CNTNAP5: variants seen among roughly 807,000 people sequenced by gnomAD.
The protein encoded by CNTNAP5 is contactin-associated protein-like 5.
A neutral mutation model predicts 150.2 loss-of-function variants in CNTNAP5; 72 were observed. That is an observed-to-expected ratio of 0.48 (90% CI 0.40 to 0.58). The LOEUF is 0.58. Among genes scored for constraint, CNTNAP5 ranks in the 20% least tolerant of loss-of-function variants. The pLI, the probability that CNTNAP5 is intolerant of heterozygous loss-of-function variation, is 0.00. For synonymous variants in CNTNAP5, 672 were observed against 619.8 expected (o/e 1.08, Z -1.25); for missense variants, 1,636 against 1,626.2 (o/e 1.01, Z -0.10).
intron 1 of CNTNAP5, among the ~76,000 whole-genome samples, chr2:124,194,358 A>C (rs1685528171): frequency 7.2e-6 from 1 of 139,166 alleles, no homozygotes; most frequent in Non-Finnish European, 1.5e-5. Flanking sequence ...CACAGGTATA[A>C]ATTAGGTCAT....
At chr2:124,165,652 A>G (rs2104655546) in intron 1 of CNTNAP5, among the ~76,000 whole-genome samples, 1 of 152,240 alleles carries the variant, frequency 6.6e-6, no homozygotes, top group South Asian at 2.1e-4. Context: ...CAAGTTTCTG[A>G]ATGGCTTGAG....
chr2:124,206,799 G>A (rs548478432), intron 1 of CNTNAP5, among the ~76,000 whole-genome samples: 1 of 152,100 alleles, frequency 6.6e-6, no homozygotes, highest in Non-Finnish European at 1.5e-5. Context: ...CTGTTTCCTG[G>A]GTGAGTAATA....
In CNTNAP5 at chr2:124,417,633, G is replaced by A. The variant is rs1456292483; in HGVS notation, c.529+43G>A. The stretch of plus-strand genomic sequence containing the variant: ...CCCTTTACCATTGCTGAGTGTGAGT[G>A]GCACCGCCTACGTAACATCAGTTTA... On this transcript the variant is annotated intron_variant, in intron 4 of 23. Transcript: ENST00000682447. The A allele has an allele frequency of 1.9e-6, 3 of 1,571,148 alleles. No individual in the cohort carries two copies. The Admixed American group carries it at 5.2e-5, about 27-fold the overall frequency.
chr2:124,871,695 C>T (rs1358540317), intron 21 of CNTNAP5, among the ~76,000 whole-genome samples: 2 of 152,128 alleles, frequency 1.3e-5, no homozygotes, highest in African/African-American at 4.8e-5. Context: ...GCTCTGACCA[C>T]CTCCATACCT....
intron 19 of CNTNAP5, among the ~76,000 whole-genome samples, chr2:124,818,263 C>A (rs1050437483): frequency 5.9e-5 from 9 of 152,194 alleles, no homozygotes; most frequent in African/African-American, 2.2e-4. Context: ...AACCATGATC[C>A]CTGGAAGTAT....
At chr2:124,316,228 G>C (rs375345395) in intron 3 of CNTNAP5, among the ~76,000 whole-genome samples, 3 of 152,072 alleles carry the variant, frequency 2.0e-5, no homozygotes, top group Admixed American at 1.3e-4. Context: ...TCCTGGAAAG[G>C]GTTAGTAGCC....
chr2:124,445,146 G>A (rs79371563), intron 5 of CNTNAP5, among the ~76,000 whole-genome samples: 3,741 of 149,254 alleles, frequency 0.025, 91 homozygotes, highest in African/African-American at 0.065. Context: ...CTGGAGTGCA[G>A]TGGCGCGATC....
chr2:124,522,624 A>G (rs1694870793), intron 8 of CNTNAP5, among the ~76,000 whole-genome samples: 1 of 152,224 alleles, frequency 6.6e-6, no homozygotes, highest in Non-Finnish European at 1.5e-5. Context: ...ATGCCCAGAG[A>G]TGCTGATGGA....
intron 17 of CNTNAP5, among the ~76,000 whole-genome samples, chr2:124,786,071 G>A (rs1681560706): frequency 6.6e-6 from 1 of 151,836 alleles, no homozygotes; most frequent in Non-Finnish European, 1.5e-5. Flanking sequence ...CTCATTTCTA[G>A]TAAAATTAAA....
intron 13 of CNTNAP5, among the ~76,000 whole-genome samples, chr2:124,724,484 G>A (rs1680115450): frequency 6.6e-6 from 1 of 152,076 alleles, no homozygotes; most frequent in Non-Finnish European, 1.5e-5. Flanking sequence ...CCAAGTTAAA[G>A]ATAAATATAC....
chr2:124,713,318 CCTTTCTTTCTTTCTTT>C lies in CNTNAP5; in HGVS notation c.2078-33863_2078-33848del, dbSNP rs200942591. Among the ~76,000 whole-genome samples the C allele has an allele frequency of 9.6e-3, 421 of 43,934 alleles. 12 individuals are homozygous for C. The highest frequency in any genetic ancestry group is 0.022 in the Admixed American group (74 of 3,392). The allele number at this position is 43,934 out of a possible 152,430, so 28.8% of individuals were successfully genotyped here. Reference sequence around the variant, plus strand: ...CTTTCTTTCTTCTTTCTCTTTCTTTCCTTTCTTTCTTTCTTTCTTTCTTTCTTTCTTTCTTTCTTTC... The same window carrying C: ...CTTTCTTTCTTCTTTCTCTTTCTTTCCTTTCTTTCTTTCTTTCTTTCTTTC... On this transcript the variant is annotated intron_variant, in intron 13 of 23. Transcript: ENST00000682447.
At chr2:124,223,284 A>G (rs1686373102) in intron 2 of CNTNAP5, among the ~76,000 whole-genome samples, 1 of 152,132 alleles carries the variant, frequency 6.6e-6, no homozygotes, top group African/African-American at 2.4e-5. Flanking sequence ...GCAAGAAAAT[A>G]AAAACTAATC....
At chr2:124,472,816 C>T (rs1221025981) in intron 6 of CNTNAP5, among the ~76,000 whole-genome samples, 2 of 151,656 alleles carry the variant, frequency 1.3e-5, no homozygotes, top group African/African-American at 4.8e-5. Context: ...ATAAAGCTAA[C>T]ACAGAGACAC....
At chr2:124,790,432 G>A (rs1351125493) in intron 18 of CNTNAP5, among the ~76,000 whole-genome samples, 1 of 152,140 alleles carries the variant, frequency 6.6e-6, no homozygotes, top group African/African-American at 2.4e-5. Context: ...TAGCTAGATT[G>A]TTAGTGAACA....
chr2:124,903,051 C>A lies in CNTNAP5; in HGVS notation c.3606C>A (p.Phe1202Leu). Residue 1202 changes from phenylalanine (F) to leucine (L), a missense_variant, in exon 22 of 24, where the codon TTC (phenylalanine) becomes TTA (leucine). Physicochemically the swap from Phe to Leu is conservative, Grantham distance 22 (BLOSUM62 0). Coordinates refer to ENST00000682447, the MANE Select transcript of CNTNAP5 (RefSeq NM_001367498.1). ...CCTTGACGGAATCCAGCTGTGGCTTCATGGTGGACTCAGATGTGAATGCAG... is the reference window on the plus strand; with the variant it reads ...CCTTGACGGAATCCAGCTGTGGCTTAATGGTGGACTCAGATGTGAATGCAG... ...HGTLTESSCG[F>L]MVDSDVNAVT... The A allele has an allele frequency of 1.2e-6, 2 of 1,603,736 alleles. No homozygotes were observed. The highest frequency in any genetic ancestry group is 1.7e-6 in the Non-Finnish European group (2 of 1,174,718).
At chr2:124,050,192 G>T (rs1681654690) in intron 1 of CNTNAP5, among the ~76,000 whole-genome samples, 1 of 152,168 alleles carries the variant, frequency 6.6e-6, no homozygotes, top group African/African-American at 2.4e-5. Flanking sequence ...GCTGGGCATG[G>T]TGGCTTATGC....
At chr2:124,683,069 G>C (rs1679106272) in intron 13 of CNTNAP5, among the ~76,000 whole-genome samples, 1 of 152,116 alleles carries the variant, frequency 6.6e-6, no homozygotes, top group African/African-American at 2.4e-5. Flanking sequence ...CTTTTTTGGG[G>C]TAAAGTCAAC....
In CNTNAP5 at chr2:124,074,747, G is replaced by T. The variant is rs188311459; in HGVS notation, c.82+49015G>T. 5.3e-5 allele frequency among the ~76,000 whole-genome samples: 8 copies of T among 152,180 alleles called. No individual in the cohort carries two copies. In the East Asian group the frequency reaches 1.2e-3, roughly 22 times the overall value. On this transcript the variant is annotated intron_variant, in intron 1 of 23. Transcript: ENST00000682447. ...CAGGATCTATAAATTTGATCATCTT[G>T]TGTCTACCATCTCCAGCAAAAACAT...
At position 124,857,157 on chromosome 2, in the gene CNTNAP5, C is replaced by T. The variant is rs145321889; in HGVS notation, c.3218-8149C>T. 2.0e-5 allele frequency among the ~76,000 whole-genome samples: 3 copies of T among 152,160 alleles called. No homozygotes were observed. The East Asian group carries it at 5.8e-4, about 29-fold the overall frequency. ...GGGTGACGAGGAAGAGACAGTGAGC[C>T]TCCCCATAAGTACCCCTCCCACTTC... On this transcript the variant is annotated intron_variant, in intron 19 of 23. Transcript: ENST00000682447.
Sources: allele counts gnomAD v4.1 joint callset (sites outside exome capture counted in the v4.1 genomes callset), GRCh38; gene constraint gnomAD v4.1.1; transcripts MANE v1.5; gene names NCBI Gene and HGNC (gene_info 2026-07-23, HGNC 2026-07-21).